Variants in FAM178B observed in about 807,000 individuals in gnomAD.
FAM178B encodes the protein protein FAM178B.
Under a neutral mutation model 91.7 loss-of-function variants are expected in FAM178B, and 82 were observed. The observed-to-expected ratio is 0.89, with a 90% CI of 0.75 to 1.07. The LOEUF is 1.07. Ranked by LOEUF, FAM178B falls within the 50% of genes least tolerant of loss-of-function variation. FAM178B has a pLI of 0.00. For synonymous variants in FAM178B, 368 were observed against 359.4 expected (o/e 1.02, Z -0.27); for missense variants, 769 against 846.7 (o/e 0.91, Z 1.14).
rs371465322 is a variant in FAM178B at position 96,881,121 on chromosome 2, C to T, written c.1777-2628G>A. 9.9e-4 allele frequency among the ~76,000 whole-genome samples: 151 copies of T among 151,890 alleles called. 1 individual carries two copies. Among genetic ancestry groups the T allele is most frequent in the African/African-American group, 3.5e-3 (147 of 41,448 alleles). On this transcript the variant is annotated intron_variant, in intron 14 of 16. Transcript: ENST00000490605. ...ACCCCGACTCCACAGAAAACAAAAC[C>T]AAAAGGTTATCCAGCATGGTCACCT...
chr2:96,914,926 G>A (rs534032454), intron 12 of FAM178B, among the ~76,000 whole-genome samples: 3 of 151,638 alleles, frequency 2.0e-5, no homozygotes, highest in Admixed American at 1.3e-4. Flanking sequence ...TTAGAGACAC[G>A]TACTGAATAA....
At chr2:96,878,634 T>G (rs2080305065) in intron 14 of FAM178B, 141 bp from the exon 15 acceptor site, 5 of 727,566 alleles carry the variant, frequency 6.9e-6, no homozygotes, top group Non-Finnish European at 1.2e-5. Flanking sequence ...AGCAACAGTT[T>G]CCAGGGAGGC....
chr2:96,927,233 C>A (rs921996982), intron 9 of FAM178B, among the ~76,000 whole-genome samples: 5 of 152,220 alleles, frequency 3.3e-5, no homozygotes, highest in Non-Finnish European at 1.5e-5. Flanking sequence ...GGCATTTTCG[C>A]CATCCTCCTA....
At chr2:96,923,469 G>T in intron 10 of FAM178B, 21 bp downstream of exon 10, 3 of 1,535,744 alleles carry the variant, frequency 2.0e-6, no homozygotes, top group Non-Finnish European at 2.6e-6. Context: ...TGCCCTGCAT[G>T]AGGCAGGCGG....
At chr2:96,939,465 T>C (rs1305462629) in intron 8 of FAM178B, among the ~76,000 whole-genome samples, 2 of 151,972 alleles carry the variant, frequency 1.3e-5, no homozygotes, top group African/African-American at 2.4e-5. Context: ...CACTGCATTC[T>C]GGCCTGGGCG....
chr2:96,971,725 G>A (rs1245836209), intron 3 of FAM178B, among the ~76,000 whole-genome samples, 176 bp downstream of exon 3: 1 of 152,244 alleles, frequency 6.6e-6, no homozygotes, highest in African/African-American at 2.4e-5. Context: ...CCTGGCCTTG[G>A]GGGCCTGCGC....
At chr2:96,934,751 C>T (rs187283045) in intron 8 of FAM178B, among the ~76,000 whole-genome samples, 2 of 152,270 alleles carry the variant, frequency 1.3e-5, no homozygotes, top group African/African-American at 2.4e-5. Context: ...CAGATCTGCA[C>T]CCACATTCTT....
intron 4 of FAM178B, among the ~76,000 whole-genome samples, chr2:96,968,074 A>C (rs994141882): frequency 8.6e-5 from 13 of 151,080 alleles, no homozygotes; most frequent in Middle Eastern, 3.4e-3. Context: ...ACAGGCAAGC[A>C]CTCGGATTCG....
chr2:96,921,467 G>A lies in FAM178B; in HGVS notation c.1464+11C>T, dbSNP rs1301739882. 1 of 1,551,618 alleles carries A rather than the reference G, an allele frequency of 6.4e-7. No homozygotes were observed. Among genetic ancestry groups the A allele is most frequent in the Admixed American group, 2.0e-5 (1 of 51,004 alleles). ...AAGCTGTATGAGGACCAGGCTCTGG[G>A]CGTCTAGTACCTTCCCTGGCCACTC... On this transcript the variant is annotated intron_variant, in intron 11 of 16. Coordinates refer to ENST00000490605, the MANE Select transcript of FAM178B (RefSeq NM_001122646.3).
chr2:96,927,002 A>T (rs1340428577), intron 9 of FAM178B, among the ~76,000 whole-genome samples: 1 of 152,246 alleles, frequency 6.6e-6, no homozygotes, highest in Non-Finnish European at 1.5e-5. Flanking sequence ...GGGCGGAGCC[A>T]GCTCGCACAA....
At chr2:96,938,150 G>A (rs1318677642) in intron 8 of FAM178B, among the ~76,000 whole-genome samples, 1 of 152,170 alleles carries the variant, frequency 6.6e-6, no homozygotes, top group Non-Finnish European at 1.5e-5. Flanking sequence ...CCCCACTATT[G>A]CCTGGCCACC....
At chr2:96,899,476 C>A (rs2080885357) in intron 13 of FAM178B, among the ~76,000 whole-genome samples, 1 of 152,006 alleles carries the variant, frequency 6.6e-6, no homozygotes, top group Admixed American at 6.5e-5. Context: ...TTGGCCCTGA[C>A]AGGCTGCAAG....
At chr2:96,877,235 C>T (rs1479893656) in intron 16 of FAM178B, among the ~76,000 whole-genome samples, 2 of 152,158 alleles carry the variant, frequency 1.3e-5, no homozygotes, top group African/African-American at 4.8e-5. Context: ...AGACCAGCTT[C>T]AGGCCCACAG....
chr2:96,967,036 T>C (rs1440802535), intron 5 of FAM178B, among the ~76,000 whole-genome samples: 1 of 152,168 alleles, frequency 6.6e-6, no homozygotes, highest in Non-Finnish European at 1.5e-5. Flanking sequence ...GATTCGGTTG[T>C]GGCCCTGGGC....
chr2:96,902,770 C>T, intron 12 of FAM178B, 63 bp from the exon 13 acceptor site: 1 of 1,258,110 alleles, frequency 7.9e-7, no homozygotes, highest in Non-Finnish European at 1.1e-6. Flanking sequence ...GAGCAGGGGG[C>T]AGGATACCCA....
intron 12 of FAM178B, among the ~76,000 whole-genome samples, chr2:96,905,251 A>G (rs1415634294): frequency 6.6e-6 from 1 of 152,114 alleles, no homozygotes; most frequent in African/African-American, 2.4e-5. Flanking sequence ...TTGTAGTTCA[A>G]TAAAACAATT....
intron 8 of FAM178B, among the ~76,000 whole-genome samples, chr2:96,934,341 G>A (rs75297860): frequency 0.071 from 10,837 of 152,260 alleles, 530 homozygotes; most frequent in Middle Eastern, 0.17. Context: ...GGAGCCCAGG[G>A]TGCTGGAGTG....
At chr2:96,910,819 G>C (rs1371874146) in intron 12 of FAM178B, among the ~76,000 whole-genome samples, 1 of 141,472 alleles carries the variant, frequency 7.1e-6, no homozygotes, top group Admixed American at 7.1e-5. Flanking sequence ...TTTTTTTTGA[G>C]ACAGTCTTGC....
At chr2:96,930,426 C>A (rs1033382397) in intron 8 of FAM178B, among the ~76,000 whole-genome samples, 2 of 152,212 alleles carry the variant, frequency 1.3e-5, no homozygotes, top group African/African-American at 4.8e-5. Context: ...TTCTCTGCAC[C>A]GTGAGCTCCC....
Sources: allele counts gnomAD v4.1 joint callset (sites outside exome capture counted in the v4.1 genomes callset), GRCh38; gene constraint gnomAD v4.1.1; transcripts MANE v1.5; gene names NCBI Gene and HGNC (gene_info 2026-07-23, HGNC 2026-07-21).